The following FAM219A variants were observed in gnomAD, a reference collection of about 807,000 sequenced individuals.
FAM219A encodes family with sequence similarity 219 member A, also known as protein FAM219A.
Under a neutral mutation model 23.4 loss-of-function variants are expected in FAM219A, and 7 were observed. The ratio of observed to expected loss-of-function variants is 0.30; its 90% CI spans 0.17 to 0.56. The LOEUF is 0.56. FAM219A is among the 20% of genes least tolerant of loss of function. FAM219A has a pLI of 0.92. For missense variants in FAM219A, 166 were observed against 246.9 expected (o/e 0.67, Z 2.20); for synonymous variants, 93 against 99.0 (o/e 0.94, Z 0.36).
intron 1 of FAM219A, among the ~76,000 whole-genome samples, chr9:34,419,138 T>G (rs936820419): frequency 2.0e-5 from 3 of 152,082 alleles, no homozygotes; most frequent in African/African-American, 7.2e-5. Flanking sequence ...AACTTTTATG[T>G]TATGCATATT....
chr9:34,449,792 T>C (rs552493368), intron 1 of FAM219A, among the ~76,000 whole-genome samples: 2 of 152,370 alleles, frequency 1.3e-5, no homozygotes, highest in African/African-American at 4.8e-5. Context: ...AAGGTTCCTT[T>C]ACTGCAGGAT....
At chr9:34,448,993 G>GA (rs577911130) in intron 1 of FAM219A, among the ~76,000 whole-genome samples, 8,226 of 109,956 alleles carry the variant, frequency 0.075, 289 homozygotes, top group Non-Finnish European at 0.078. Flanking sequence ...AAAAACTATC[G>GA]GAAAAAAAAA....
Position 34,405,964 on chromosome 9 carries a change from C to T in FAM219A, c.61G>A (p.Asp21Asn). The T allele has an allele frequency of 6.2e-7, 1 of 1,609,174 alleles. No homozygotes were observed. ...TCAGAGATGGAGGCGGCGGCTGGGT[C>T]CTGTGGGGAGAAAGCAGTAAGACAG... ...PTAHSEMQPL[D>N]PAAASISDGD... The change falls in exon 2 of 6, where the codon GAC becomes AAC. Residue 21 changes from aspartate to asparagine, a missense_variant and splice_region_variant. Asp to Asn is a conservative substitution (Grantham distance 23). Around this residue, in one of 3 missense-constraint regions of FAM219A, gnomAD observed 89 missense variants for 98.8 expected, o/e 0.90. Transcript: ENST00000651358.
intron 5 of FAM219A, 98 bp from the exon 6 acceptor site, chr9:34,401,220 G>T: frequency 7.0e-7 from 1 of 1,431,780 alleles, no homozygotes; most frequent in Non-Finnish European, 9.6e-7. Context: ...AGTCCAGCCA[G>T]TGCCCTGGAT....
In FAM219A at chr9:34,402,779, G is replaced by A. The variant is rs749063492; in HGVS notation, c.189C>T (p.Gly63=). The A allele has an allele frequency of 3.1e-6, 5 of 1,614,210 alleles. No homozygotes were observed. The change falls in exon 3 of 6, where the codon GGC becomes GGT. Residue 63 remains glycine, a synonymous_variant. Coordinates refer to ENST00000651358, the MANE Select transcript of FAM219A (RefSeq NM_001184940.2). ...TACCCATGCTGCCATTCTTCAGGGA[G>A]CCCTTCCGGGCCAGCTCCCGCTGCT... ...LEKQRELARK[G]SLKNGSMGSP...
intron 1 of FAM219A, among the ~76,000 whole-genome samples, chr9:34,429,679 A>G (rs1264702886): frequency 6.6e-6 from 1 of 152,154 alleles, no homozygotes; most frequent in Non-Finnish European, 1.5e-5. Context: ...TGCAAGCTCC[A>G]GACTCGCTAG....
intron 1 of FAM219A, among the ~76,000 whole-genome samples, chr9:34,411,897 G>A (rs1180806723): frequency 6.6e-6 from 1 of 152,160 alleles, no homozygotes; most frequent in East Asian, 1.9e-4. Flanking sequence ...CATGTGAAAA[G>A]TCTCAGAAGC....
rs1823823183 is a variant in FAM219A at position 34,458,118 on chromosome 9, C to T, written c.60+86G>A. The T allele has an allele frequency of 7.5e-7, 1 of 1,336,372 alleles. No individual in the cohort carries two copies. Among genetic ancestry groups the T allele is most frequent in the Non-Finnish European group, 1.0e-6 (1 of 999,484 alleles). 82.8% of individuals were successfully genotyped at this position (1,336,372 alleles called of 1,614,324 possible). ...TTTGCCCCATCCGATGGCGCCCCTC[C>T]GCACGATCCCCCCGGCCTGATTCCC... On this transcript the variant is annotated intron_variant, in intron 1 of 5. Coordinates refer to ENST00000651358, the MANE Select transcript of FAM219A (RefSeq NM_001184940.2). The surrounding 1 kb of genome is among the most constrained non-coding windows in gnomAD (Gnocchi z 6.6).
At chr9:34,442,964 A>G (rs1244412078) in intron 1 of FAM219A, among the ~76,000 whole-genome samples, 2 of 152,192 alleles carry the variant, frequency 1.3e-5, no homozygotes, top group Non-Finnish European at 2.9e-5. Flanking sequence ...ATATTCAAAC[A>G]TTAAATTAAA....
At chr9:34,440,335 G>T (rs1353868536) in intron 1 of FAM219A, among the ~76,000 whole-genome samples, 1 of 152,126 alleles carries the variant, frequency 6.6e-6, no homozygotes, top group Non-Finnish European at 1.5e-5. Flanking sequence ...CCTAAGGGTG[G>T]GTACAGGTTT....
intron 1 of FAM219A, among the ~76,000 whole-genome samples, chr9:34,414,930 C>A (rs1821944209): frequency 6.6e-6 from 1 of 152,104 alleles, no homozygotes; most frequent in Non-Finnish European, 1.5e-5. Flanking sequence ...TCTTTCTTTT[C>A]TTTGTTTCCT....
chr9:34,423,350 C>A (rs1483916194), intron 1 of FAM219A, among the ~76,000 whole-genome samples: 1 of 151,696 alleles, frequency 6.6e-6, no homozygotes, highest in African/African-American at 2.4e-5. Context: ...ATGGAGGAAG[C>A]AAGAATAGGA....
intron 1 of FAM219A, among the ~76,000 whole-genome samples, chr9:34,443,613 T>C (rs1415900461): frequency 6.6e-6 from 1 of 152,214 alleles, no homozygotes; most frequent in African/African-American, 2.4e-5. Flanking sequence ...ATACATGATC[T>C]TATTTATTTT....
chr9:34,419,436 T>G (rs753906077), intron 1 of FAM219A, among the ~76,000 whole-genome samples: 4 of 152,134 alleles, frequency 2.6e-5, no homozygotes, highest in Admixed American at 6.6e-5. Context: ...TGTTCAAGGT[T>G]AACAGCGCTT....
intron 1 of FAM219A, among the ~76,000 whole-genome samples, chr9:34,436,208 G>A (rs1192419048): frequency 1.3e-5 from 2 of 151,506 alleles, no homozygotes; most frequent in African/African-American, 2.4e-5. Context: ...ATAAAATTAT[G>A]TATGTGTATT....
At position 34,398,600 on chromosome 9, in the gene FAM219A, C is replaced by T. The variant is rs1588024317; in HGVS notation, c.*2364G>A. On this transcript the variant is annotated 3_prime_UTR_variant, in exon 6 of 6. Coordinates refer to ENST00000651358, the MANE Select transcript of FAM219A (RefSeq NM_001184940.2). ...TATGTCCTGTGGGGGGGGAGATTTT[C>T]CCTGGTGTCTCAGGGCCACAGAGAT... 1 of 563,028 alleles carries T rather than the reference C, an allele frequency of 1.8e-6. No individual in the cohort carries two copies. Among genetic ancestry groups the T allele is most frequent in the East Asian group, 2.9e-5 (1 of 34,134 alleles). 34.9% of individuals were successfully genotyped at this position (563,028 alleles called of 1,614,324 possible).
At chr9:34,438,517 C>T (rs1183730402) in intron 1 of FAM219A, among the ~76,000 whole-genome samples, 2 of 151,856 alleles carry the variant, frequency 1.3e-5, no homozygotes, top group Admixed American at 6.6e-5. Context: ...CCAATGGACA[C>T]TCTGTATCTA....
intron 1 of FAM219A, among the ~76,000 whole-genome samples, chr9:34,452,855 A>C (rs1402262942): frequency 5.3e-5 from 8 of 151,974 alleles, no homozygotes; most frequent in Non-Finnish European, 1.0e-4. Flanking sequence ...TCCTGCTTTC[A>C]TTTGGTGCTC....
At position 34,417,396 on chromosome 9, in the gene FAM219A, G is replaced by A. The variant is rs1822076385; in HGVS notation, c.61-11432C>T. Among the ~76,000 whole-genome samples, 1 of 152,136 alleles carries A rather than the reference G, an allele frequency of 6.6e-6. No homozygotes were observed. The highest frequency in any genetic ancestry group is 1.5e-5 in the Non-Finnish European group (1 of 68,030). The stretch of plus-strand genomic sequence containing the variant: ...TTTTGTAACTATCAGTTTAATGGCT[G>A]CATAATACCTATAGAGAGGATGTAG... On this transcript the variant is annotated intron_variant, in intron 1 of 5. Transcript: ENST00000651358. The surrounding 1 kb of genome is among the most constrained non-coding windows in gnomAD (Gnocchi z 4.1).
Sources: gnomAD v4.1 joint callset for allele counts (sites outside exome capture counted in the v4.1 genomes callset) on GRCh38, gnomAD v4.1.1 for gene constraint, gnomAD v4.1.1 regional missense constraint, Gnocchi (gnomAD v3.1) non-coding constraint, MANE v1.5 for transcripts, NCBI Gene and HGNC (gene_info 2026-07-23, HGNC 2026-07-21) for gene names.